Variants in FOXN3 observed in about 807,000 individuals in gnomAD.
FOXN3 encodes the protein forkhead box protein N3.
In FOXN3, 7 loss-of-function variants were observed where a neutral mutation model predicts 38.4. The ratio of observed to expected loss-of-function variants is 0.18; its 90% confidence interval spans 0.10 to 0.34. The LOEUF (loss-of-function observed/expected upper bound fraction) is 0.34, where lower values mean the gene tolerates loss of function less well. FOXN3 is among the 10% of genes least tolerant of loss of function. The pLI, the probability that FOXN3 is intolerant of heterozygous loss-of-function variation, is 1.00. For missense variants in FOXN3, 456 were observed against 613.4 expected, an observed-to-expected ratio of 0.74 and a Z score of 2.71; for synonymous variants, 230 against 242.2, an observed-to-expected ratio of 0.95 and a Z score of 0.47.
At chr14:89,273,640 A>G (rs542208756) in intron 4 of FOXN3, among the ~76,000 whole-genome samples, 2 of 152,368 alleles carry the variant, frequency 1.3e-5, no homozygotes, top group African/African-American at 4.8e-5. Flanking sequence ...TTGTATTTTT[A>G]AAGTAACTTA....
chr14:89,581,840 T>G (rs1306553036), intron 1 of FOXN3, among the ~76,000 whole-genome samples: 2 of 152,216 alleles, frequency 1.3e-5, no homozygotes, highest in Non-Finnish European at 2.9e-5. Flanking sequence ...TATTCTCAAT[T>G]CCTAGCATCT....
chr14:89,263,264 A>C (rs1885865456), intron 4 of FOXN3, among the ~76,000 whole-genome samples: 1 of 152,182 alleles, frequency 6.6e-6, no homozygotes, highest in African/African-American at 2.4e-5. Flanking sequence ...TTTTTGCTGA[A>C]GGGTTTTCAT....
At chr14:89,612,314 C>A (rs1896408341) in intron 1 of FOXN3, among the ~76,000 whole-genome samples, 1 of 151,976 alleles carries the variant, frequency 6.6e-6, no homozygotes, top group African/African-American at 2.4e-5. Flanking sequence ...TCTGTATCAC[C>A]CAATACTGCC....
At chr14:89,465,556 T>G (rs1892962267) in intron 1 of FOXN3, among the ~76,000 whole-genome samples, 1 of 152,210 alleles carries the variant, frequency 6.6e-6, no homozygotes, top group African/African-American at 2.4e-5. Context: ...GAGAACGGAC[T>G]AATACAATCC....
chr14:89,467,508 G>A (rs1003586365), intron 1 of FOXN3, among the ~76,000 whole-genome samples: 5 of 150,922 alleles, frequency 3.3e-5, no homozygotes, highest in Admixed American at 1.3e-4. Flanking sequence ...CGACATAAAC[G>A]GATTAGCCAA....
At chr14:89,546,625 G>A (rs144455210) in intron 1 of FOXN3, among the ~76,000 whole-genome samples, 143 of 150,898 alleles carry the variant, frequency 9.5e-4, no homozygotes, top group East Asian at 7.7e-3. Context: ...CACTGCACCC[G>A]GCCCCAATAG....
chr14:89,415,722 GA>G (rs1281537459), intron 1 of FOXN3, among the ~76,000 whole-genome samples: 4 of 148,578 alleles, frequency 2.7e-5, no homozygotes, highest in South Asian at 2.1e-4. Flanking sequence ...GTTTCAGAGG[GA>G]AAAAAAAAGA....
At chr14:89,542,023 C>A (rs1051661878) in intron 1 of FOXN3, among the ~76,000 whole-genome samples, 1 of 151,882 alleles carries the variant, frequency 6.6e-6, no homozygotes, top group African/African-American at 2.4e-5. Flanking sequence ...GAATTCAGGG[C>A]GAGTCCGAAG....
intron 1 of FOXN3, among the ~76,000 whole-genome samples, chr14:89,517,725 A>G (rs1195807990): frequency 6.6e-6 from 1 of 152,196 alleles, no homozygotes; most frequent in African/African-American, 2.4e-5. Flanking sequence ...TTAGTCTTAG[A>G]TGATTTTGAG....
At chr14:89,521,358 T>TAG (rs199686142) in intron 1 of FOXN3, among the ~76,000 whole-genome samples, 14,335 of 124,932 alleles carry the variant, frequency 0.11, 1,155 homozygotes, top group African/African-American at 0.23. Context: ...AGATGATAGA[T>TAG]AGAGAGAGAG....
intron 4 of FOXN3, among the ~76,000 whole-genome samples, chr14:89,196,665 A>T (rs1427259587): frequency 6.6e-6 from 1 of 152,132 alleles, no homozygotes; most frequent in Non-Finnish European, 1.5e-5. Flanking sequence ...GGGAGAATAC[A>T]CTATTGCCTC....
intron 1 of FOXN3, among the ~76,000 whole-genome samples, chr14:89,462,852 T>C (rs574387367): frequency 6.6e-6 from 1 of 151,294 alleles, no homozygotes; most frequent in African/African-American, 2.4e-5. Flanking sequence ...GCCCAGCTAA[T>C]TTTTTGCATT....
chr14:89,612,672 T>C (rs1896416701), intron 1 of FOXN3, among the ~76,000 whole-genome samples: 1 of 151,958 alleles, frequency 6.6e-6, no homozygotes, highest in African/African-American at 2.4e-5. Context: ...TACACACCTG[T>C]GGTCCCAGCC....
At position 89,350,660 on chromosome 14, in the gene FOXN3, T is replaced by C. The variant is rs1266177995; in HGVS notation, c.680+12A>G. The C allele has an allele frequency of 6.6e-7, 1 of 1,509,712 alleles. No homozygotes were observed. The highest frequency in any genetic ancestry group is 2.5e-5 in the Admixed American group (1 of 39,622). 93.5% of individuals were successfully genotyped at this position (1,509,712 alleles called of 1,614,324 possible). On this transcript the variant is annotated intron_variant, in intron 3 of 5. Transcript: ENST00000557258. ...TTCAGTAGACCAAAAAAAAGAAGTC[T>C]GAATTGCTTACCTTTGATATGCCTG...
At chr14:89,454,747 G>C (rs1180023511) in intron 1 of FOXN3, among the ~76,000 whole-genome samples, 1 of 152,216 alleles carries the variant, frequency 6.6e-6, no homozygotes, top group African/African-American at 2.4e-5. Context: ...TCCATGATAA[G>C]CACTTCTTGA....
At chr14:89,183,639 A>C (rs1887729997) in intron 4 of FOXN3, among the ~76,000 whole-genome samples, 1 of 152,124 alleles carries the variant, frequency 6.6e-6, no homozygotes, top group Non-Finnish European at 1.5e-5. Flanking sequence ...AAAGGCAGAA[A>C]AATGGCACAT....
intron 3 of FOXN3, among the ~76,000 whole-genome samples, chr14:89,346,167 T>C (rs997748699): frequency 6.6e-6 from 1 of 152,244 alleles, no homozygotes. Flanking sequence ...TACCACATTT[T>C]CCTTATCTAC....
chr14:89,334,026 T>TACACACACAC (rs34061100), intron 3 of FOXN3, among the ~76,000 whole-genome samples: 4 of 127,156 alleles, frequency 3.1e-5, no homozygotes, highest in Admixed American at 8.0e-5. Context: ...AAATGTGGTA[T>TACACACACAC]ACACACACAC....
intron 4 of FOXN3, among the ~76,000 whole-genome samples, chr14:89,246,987 C>T (rs534292798): frequency 3.3e-5 from 5 of 152,220 alleles, no homozygotes; most frequent in Non-Finnish European, 5.9e-5. Flanking sequence ...AAGAGACTTC[C>T]CTTCCTCCCT....
Sources: allele counts gnomAD v4.1 joint callset (sites outside exome capture counted in the v4.1 genomes callset), GRCh38; gene constraint gnomAD v4.1.1; transcripts MANE v1.5; gene names NCBI Gene and HGNC (gene_info 2026-07-23, HGNC 2026-07-21).